CADM2: variants seen among roughly 807,000 people sequenced by gnomAD.
CADM2 encodes the protein cell adhesion molecule 2, also known as immunoglobulin superfamily member 4D.
In CADM2, 12 loss-of-function variants were observed where a neutral mutation model predicts 49.8. The observed-to-expected ratio is 0.24, with a 90% CI of 0.15 to 0.39. The LOEUF (loss-of-function observed/expected upper bound fraction) is 0.39, where lower values mean the gene tolerates loss of function less well. CADM2 is among the 10% of genes least tolerant of loss of function. The pLI is 1.00. For missense variants in CADM2, 378 were observed against 492.3 expected (o/e 0.77, Z 2.20); for synonymous variants, 214 against 175.4 (o/e 1.22, Z -1.74).
chr3:85,191,316 A>G (rs1450955425), intron 1 of CADM2, among the ~76,000 whole-genome samples: 3 of 152,090 alleles, frequency 2.0e-5, no homozygotes, highest in Non-Finnish European at 4.4e-5. Flanking sequence ...ACTCACTTTT[A>G]TAACAAATAT....
intron 2 of CADM2, among the ~76,000 whole-genome samples, chr3:85,755,002 G>A (rs886838087): frequency 2.6e-5 from 4 of 152,158 alleles, no homozygotes; most frequent in Non-Finnish European, 5.9e-5. Context: ...CAGAAACCCA[G>A]TTCTAATAAC....
At chr3:85,265,737 C>T (rs2043108724) in intron 1 of CADM2, among the ~76,000 whole-genome samples, 2 of 151,898 alleles carry the variant, frequency 1.3e-5, no homozygotes, top group Admixed American at 6.6e-5. Flanking sequence ...TCTAAAGAGA[C>T]ATTTCAAAAT....
At chr3:85,514,023 A>G (rs1048896344) in intron 1 of CADM2, among the ~76,000 whole-genome samples, 7 of 152,098 alleles carry the variant, frequency 4.6e-5, no homozygotes, top group Admixed American at 3.3e-4. Flanking sequence ...GTTAACTTCT[A>G]TAAGAATGGC....
chr3:85,848,018 A>AT (rs901029206), intron 3 of CADM2, among the ~76,000 whole-genome samples: 3 of 152,088 alleles, frequency 2.0e-5, no homozygotes, highest in African/African-American at 4.8e-5. Context: ...GAATTAATAC[A>AT]TTTTTTATCA....
intron 1 of CADM2, among the ~76,000 whole-genome samples, chr3:85,284,916 G>A (rs975042752): frequency 6.6e-6 from 1 of 152,048 alleles, no homozygotes; most frequent in Admixed American, 6.6e-5. Context: ...AGGGATTAGG[G>A]AGAGACAACG....
chr3:85,264,690 A>G (rs2043084119), intron 1 of CADM2, among the ~76,000 whole-genome samples: 1 of 152,070 alleles, frequency 6.6e-6, no homozygotes, highest in Admixed American at 6.6e-5. Flanking sequence ...TAGCATTTCC[A>G]CCAAACAGAT....
At chr3:85,323,582 G>A (rs959142082) in intron 1 of CADM2, among the ~76,000 whole-genome samples, 1 of 152,086 alleles carries the variant, frequency 6.6e-6, no homozygotes, top group South Asian at 2.1e-4. Context: ...TTAAATATAT[G>A]TTCAAAACTA....
chr3:85,459,779 C>G (rs1313947856), intron 1 of CADM2, among the ~76,000 whole-genome samples: 1 of 152,140 alleles, frequency 6.6e-6, no homozygotes, highest in South Asian at 2.1e-4. Context: ...GACTAAAAAG[C>G]ATGTTTGTTG....
chr3:85,605,798 C>A (rs2063523455), intron 1 of CADM2, among the ~76,000 whole-genome samples: 1 of 152,126 alleles, frequency 6.6e-6, no homozygotes, highest in Admixed American at 6.6e-5. Context: ...ATCCTTTACA[C>A]TCTCCTTAAG....
chr3:85,047,285 G>A (rs904132326), intron 1 of CADM2, among the ~76,000 whole-genome samples: 10 of 151,932 alleles, frequency 6.6e-5, no homozygotes, highest in African/African-American at 1.9e-4. Flanking sequence ...TTTGTCCTTC[G>A]TGACCTACCA....
chr3:85,485,520 G>T (rs1215865159), intron 1 of CADM2, among the ~76,000 whole-genome samples: 2 of 151,858 alleles, frequency 1.3e-5, no homozygotes, highest in South Asian at 2.1e-4. Flanking sequence ...CAAACTCATC[G>T]CCATCCTGCA....
intron 1 of CADM2, among the ~76,000 whole-genome samples, chr3:85,474,086 T>G (rs2038880556): frequency 6.6e-6 from 1 of 151,960 alleles, no homozygotes. Flanking sequence ...ATTATTATAA[T>G]TATATTCTCA....
chr3:85,840,944 A>T (rs2074612888), intron 3 of CADM2, among the ~76,000 whole-genome samples: 2 of 151,870 alleles, frequency 1.3e-5, no homozygotes, highest in Non-Finnish European at 2.9e-5. Flanking sequence ...AAGTAACTAC[A>T]TATCATATTT....
chr3:85,163,089 AAC>A (rs1194057776), intron 1 of CADM2, among the ~76,000 whole-genome samples: 1 of 152,102 alleles, frequency 6.6e-6, no homozygotes, highest in East Asian at 1.9e-4. Flanking sequence ...TTCTTTATGC[AAC>A]ACAGTCATGT....
rs78251595 is a variant in CADM2 at position 85,787,763 on chromosome 3, G to A, written c.89-14284G>A. Among the ~76,000 whole-genome samples the A allele has an allele frequency of 3.0e-3, 463 of 152,188 alleles. 14 individuals are homozygous for A. Among genetic ancestry groups the A allele is most frequent in the Admixed American group, 0.019 (297 of 15,282 alleles). On this transcript the variant is annotated intron_variant, in intron 2 of 9. Transcript: ENST00000383699. ...ATATCACTTCTTTCAATGTCTTGCC[G>A]TTGTGTGTAGAATAAGTGTAAGCTC...
At chr3:85,486,935 T>G (rs11127894) in intron 1 of CADM2, among the ~76,000 whole-genome samples, 12,178 of 139,034 alleles carry the variant, frequency 0.088, 943 homozygotes, top group African/African-American at 0.2. Context: ...GTAAGCACTT[T>G]TAATAATTTT....
intron 2 of CADM2, among the ~76,000 whole-genome samples, chr3:85,797,505 G>A (rs769279849): frequency 4.6e-5 from 7 of 152,172 alleles, no homozygotes; most frequent in Non-Finnish European, 8.8e-5. Flanking sequence ...GAGAACATGC[G>A]GTGTTTGGTT....
intron 1 of CADM2, among the ~76,000 whole-genome samples, chr3:85,452,476 T>A (rs544925959): frequency 2.6e-5 from 4 of 152,298 alleles, no homozygotes; most frequent in African/African-American, 9.6e-5. Flanking sequence ...CTCTGTGTTT[T>A]GTTTTTGTTT....
chr3:85,107,330 G>A (rs1320357270), intron 1 of CADM2, among the ~76,000 whole-genome samples: 1 of 152,158 alleles, frequency 6.6e-6, no homozygotes, highest in African/African-American at 2.4e-5. Context: ...TTGGCCAGAA[G>A]CACGTAATTG....
Sources: gnomAD v4.1 joint callset for allele counts (sites outside exome capture counted in the v4.1 genomes callset) on GRCh38, gnomAD v4.1.1 for gene constraint, MANE v1.5 for transcripts, NCBI Gene and HGNC (gene_info 2026-07-23, HGNC 2026-07-21) for gene names.